The following NODAL variants were observed in gnomAD, a reference collection of about 807,000 sequenced individuals.
NODAL encodes the protein nodal growth differentiation factor, also known as nodal homolog.
Under a neutral mutation model 34.0 loss-of-function variants are expected in NODAL, and 12 were observed. That is an observed-to-expected ratio of 0.35 (90% confidence interval 0.23 to 0.57). The LOEUF is 0.57. NODAL is among the 20% of genes least tolerant of loss of function. NODAL has a pLI of 0.83. For missense variants in NODAL, 390 were observed against 444.2 expected (o/e 0.88, Z 1.10); for synonymous variants, 162 against 186.4 (o/e 0.87, Z 1.07).
intron 1 of NODAL, among the ~76,000 whole-genome samples, chr10:70,439,515 T>C (rs879805150): frequency 6.6e-6 from 1 of 152,150 alleles, no homozygotes; most frequent in Non-Finnish European, 1.5e-5. Flanking sequence ...TCCTCACTGT[T>C]CCTCTCATCT....
At chr10:70,442,352 G>C (rs1218493839), upstream of NODAL, among the ~76,000 whole-genome samples, 2 of 152,210 alleles carry the variant, frequency 1.3e-5, no homozygotes, top group Non-Finnish European at 2.9e-5. Flanking sequence ...GCTCTTCCCC[G>C]ACAGGCAGAC....
At chr10:70,439,473 G>C (rs939746290) in intron 1 of NODAL, among the ~76,000 whole-genome samples, 1 of 152,176 alleles carries the variant, frequency 6.6e-6, no homozygotes, top group Non-Finnish European at 1.5e-5. Context: ...GGCTTCCCGT[G>C]TGCCAAGTGT....
intron 1 of NODAL, chr10:70,436,403 G>C (rs749329776): frequency 3.6e-5 from 10 of 277,966 alleles, no homozygotes; most frequent in Non-Finnish European, 7.1e-5. Flanking sequence ...GAGAAACCCT[G>C]TCTCTACTAA....
Position 70,433,239 on chromosome 10 carries a change from C to A in NODAL, c.892-151G>T, listed in dbSNP as rs1845293546. The A allele has an allele frequency of 4.7e-6, 4 of 845,470 alleles. No individual in the cohort carries two copies. The South Asian group carries it at 5.7e-5, about 12-fold the overall frequency. The allele number at this position is 845,470 out of a possible 1,614,324, so 52.4% of individuals were successfully genotyped here. On this transcript the variant is annotated intron_variant, in intron 2 of 2. Transcript: ENST00000287139. Reference sequence around the variant, plus strand: ...TTATTTTCATAAAGGAATTAGCTTGCCAATATATCATGAACTCTAATGTCT... The same window carrying A: ...TTATTTTCATAAAGGAATTAGCTTGACAATATATCATGAACTCTAATGTCT...
In NODAL at chr10:70,441,670, T is replaced by TG; in HGVS notation, c.-4dup. 6.5e-7 allele frequency: 1 copy of TG among 1,549,040 alleles called. No individual in the cohort carries two copies. On this transcript the variant is annotated 5_prime_UTR_variant, in exon 1 of 3. Coordinates refer to ENST00000287139, the MANE Select transcript of NODAL (RefSeq NM_018055.5). The stretch of plus-strand genomic sequence containing the variant: ...AAGGGCAGGCAGTGGGCGTGCATGG[T>TG]GGGCTGGCCAGGCCTGAAAGCAGCA...
chr10:70,436,445 C>T (rs929124976), intron 1 of NODAL: 5 of 237,350 alleles, frequency 2.1e-5, no homozygotes, highest in South Asian at 6.0e-5. Flanking sequence ...TGGTGGTTTG[C>T]GCCTGTAATC....
At position 70,435,845 on chromosome 10, in the gene NODAL, A is replaced by G; in HGVS notation, c.332T>C (p.Ile111Thr). 4.3e-6 allele frequency: 7 copies of G among 1,614,064 alleles called. No individual in the cohort carries two copies. Among genetic ancestry groups the G allele is most frequent in the Non-Finnish European group, 5.1e-6 (6 of 1,180,024 alleles). The stretch of plus-strand genomic sequence containing the variant: ...GGGCTTTGGCTGGTGGAAAATCTCA[A>G]TGGCAAGTGAGCCCTCAGTGGGGAG... Reference protein sequence around the residue: ...VDLPTEGSLAIEIFHQPKPDT... With the variant: ...VDLPTEGSLATEIFHQPKPDT... The change falls in exon 2 of 3, where the codon ATT (isoleucine) becomes ACT (threonine). Residue 111 changes from isoleucine to threonine, a missense_variant. Ile to Thr is a moderately conservative substitution (Grantham distance 89, BLOSUM62 -1). Coordinates refer to ENST00000287139, the MANE Select transcript of NODAL (RefSeq NM_018055.5).
upstream of NODAL, among the ~76,000 whole-genome samples, chr10:70,445,070 C>T (rs935750773): frequency 4.6e-5 from 7 of 152,004 alleles, no homozygotes; most frequent in Admixed American, 1.3e-4. Context: ...AGGAGTCAGA[C>T]GCAGTGAAGC....
In NODAL at chr10:70,435,634, C is replaced by A; in HGVS notation, c.543G>T (p.Trp181Cys). The change falls in exon 2 of 3, where the codon TGG becomes TGT. Residue 181 changes from tryptophan (W) to cysteine (C), a missense_variant. Transcript: ENST00000287139. ...KQMSRVAGEC[W>C]PRPPTPPATN... ...TGGCAGGCGGTGTGGGGGGCCGCGG[C>A]CAGCACTCTCCAGCTACCCTGGACA... The A allele has an allele frequency of 6.2e-7, 1 of 1,613,988 alleles. No homozygotes were observed. The highest frequency in any genetic ancestry group is 8.5e-7 in the Non-Finnish European group (1 of 1,179,956).
intron 1 of NODAL, among the ~76,000 whole-genome samples, chr10:70,439,926 G>A (rs545693029): frequency 3.7e-4 from 57 of 152,344 alleles, no homozygotes; most frequent in African/African-American, 1.3e-3. Flanking sequence ...TTAAAAAATA[G>A]CTGGGCGCAG....
rs577384255 is a variant in NODAL at position 70,447,834 on chromosome 10, A to G, written c.28+90T>C. On this transcript the variant is annotated intron_variant, in intron 1 of 2. Coordinates refer to the NODAL transcript ENST00000414871. The stretch of plus-strand genomic sequence containing the variant: ...TCTCTGAGGCCCCAGCCCCTGGTTT[A>G]TAACTGCCCACTGTTTGCTGGAATC... 523 of 470,190 alleles carry G rather than the reference A, an allele frequency of 1.1e-3. 5 individuals are homozygous for G. Among genetic ancestry groups the G allele is most frequent in the South Asian group, 5.4e-3 (347 of 64,438 alleles). 29.1% of individuals were successfully genotyped at this position (470,190 alleles called of 1,614,324 possible).
chr10:70,446,154 C>T (rs563396851), upstream of NODAL, among the ~76,000 whole-genome samples: 1 of 152,182 alleles, frequency 6.6e-6, no homozygotes, highest in Non-Finnish European at 1.5e-5. Flanking sequence ...GACACCTTCT[C>T]GTTTCCTCTG....
At chr10:70,433,408 G>A (rs936456247) in intron 2 of NODAL, among the ~76,000 whole-genome samples, 1 of 151,754 alleles carries the variant, frequency 6.6e-6, no homozygotes, top group Non-Finnish European at 1.5e-5. Flanking sequence ...CTAGTCTAAA[G>A]GGAATACCAT....
At chr10:70,445,415 G>A (rs1008314169), upstream of NODAL, among the ~76,000 whole-genome samples, 2 of 151,872 alleles carry the variant, frequency 1.3e-5, no homozygotes, top group African/African-American at 2.4e-5. Context: ...CCCCCACCAC[G>A]CCCGGCTAAT....
At chr10:70,436,169 G>A (rs1301540295) in intron 1 of NODAL, 186 bp from the exon 2 acceptor site, 6 of 641,220 alleles carry the variant, frequency 9.4e-6, no homozygotes, top group Non-Finnish European at 1.7e-5. Flanking sequence ...GAAAACTGAG[G>A]CTCAGTGTGG....
At position 70,432,787 on chromosome 10, in the gene NODAL, A is replaced by G. The variant is rs1845284396; in HGVS notation, c.*149T>C. ...ACTCCACTGAGCCCTTCATTTACAGAGTGGGCAGCCCCTCCTCTTCAGTTC... is the reference window on the plus strand; with the variant it reads ...ACTCCACTGAGCCCTTCATTTACAGGGTGGGCAGCCCCTCCTCTTCAGTTC... On this transcript the variant is annotated 3_prime_UTR_variant, in exon 3 of 3. Coordinates refer to ENST00000287139, the MANE Select transcript of NODAL (RefSeq NM_018055.5). The G allele has an allele frequency of 3.5e-6, 3 of 857,030 alleles. No individual in the cohort carries two copies. The highest frequency in any genetic ancestry group is 5.8e-6 in the Non-Finnish European group (3 of 519,956). The allele number at this position is 857,030 out of a possible 1,614,324, so 53.1% of individuals were successfully genotyped here.
At chr10:70,446,887 C>G (rs1249902084) in intron 1 of NODAL, among the ~76,000 whole-genome samples, 2 of 152,068 alleles carry the variant, frequency 1.3e-5, no homozygotes, top group Non-Finnish European at 2.9e-5. Context: ...GATTGAACCC[C>G]ATATTCCCAA....
chr10:70,441,388 C>T (rs1377706823), intron 1 of NODAL, 87 bp downstream of exon 1: 2 of 1,453,486 alleles, frequency 1.4e-6, no homozygotes. Context: ...CAGCCCCCAA[C>T]CCACAGCACT....
upstream of NODAL, among the ~76,000 whole-genome samples, chr10:70,444,766 A>G (rs1326875455): frequency 6.6e-6 from 1 of 152,164 alleles, no homozygotes; most frequent in Non-Finnish European, 1.5e-5. Flanking sequence ...ACTAAACGAA[A>G]TGAATGTAAA....
Sources: allele counts gnomAD v4.1 joint callset (sites outside exome capture counted in the v4.1 genomes callset), GRCh38; gene constraint gnomAD v4.1.1; transcripts MANE v1.5; gene names NCBI Gene and HGNC (gene_info 2026-07-23, HGNC 2026-07-21).